Variants in FMN1 observed in about 807,000 individuals in gnomAD.
FMN1 encodes the protein formin-1.
Under a neutral mutation model 132.4 loss-of-function variants are expected in FMN1, and 110 were observed. That is an observed-to-expected ratio of 0.83 (90% CI 0.71 to 0.97). FMN1 has a LOEUF of 0.97. FMN1 is among the 50% of genes least tolerant of loss of function. FMN1 has a pLI of 0.00. For missense variants in FMN1, 1,792 were observed against 1,705.3 expected (o/e 1.05, Z -0.90); for synonymous variants, 722 against 651.7 (o/e 1.11, Z -1.64).
At chr15:32,857,668 T>A (rs1596100054) in intron 16 of FMN1, among the ~76,000 whole-genome samples, 2 of 152,304 alleles carry the variant, frequency 1.3e-5, no homozygotes, top group African/African-American at 4.8e-5. Context: ...TACCCTTCCT[T>A]TTAATCCTCT....
chr15:32,855,176 A>AAAG (rs2059101205), intron 17 of FMN1, among the ~76,000 whole-genome samples: 1 of 149,712 alleles, frequency 6.7e-6, no homozygotes, highest in Non-Finnish European at 1.5e-5. Context: ...AAAAAAAAAA[A>AAAG]AAAAAAGAAA....
chr15:33,158,435 A>T (rs577956076), intron 3 of FMN1, among the ~76,000 whole-genome samples: 3 of 142,314 alleles, frequency 2.1e-5, no homozygotes, highest in South Asian at 2.1e-4. Context: ...CTACTATTAT[A>T]AAAAAAAAGA....
At chr15:33,119,962 T>A (rs1962400337) in intron 4 of FMN1, among the ~76,000 whole-genome samples, 2 of 152,182 alleles carry the variant, frequency 1.3e-5, no homozygotes, top group African/African-American at 4.8e-5. Flanking sequence ...GCAAACATGA[T>A]CTTATTAAGC....
chr15:33,169,662 T>C (rs1488658228), intron 3 of FMN1, among the ~76,000 whole-genome samples: 2 of 150,656 alleles, frequency 1.3e-5, no homozygotes, highest in Non-Finnish European at 1.5e-5. Context: ...ATAATAAGTA[T>C]AGCAAATAGG....
At chr15:33,035,194 A>G (rs1471772680) in intron 6 of FMN1, among the ~76,000 whole-genome samples, 1 of 152,170 alleles carries the variant, frequency 6.6e-6, no homozygotes, top group Non-Finnish European at 1.5e-5. Flanking sequence ...AAAACCTAAC[A>G]TAATTTTGAA....
At position 32,776,969 on chromosome 15, in the gene FMN1, G is replaced by A. The variant is rs1193116463; in HGVS notation, c.4131-50C>T. On this transcript the variant is annotated intron_variant, in intron 19 of 20. Transcript: ENST00000616417. ...AGGGGAGAGAGGGAAAAGAAAGGAA[G>A]AGGGAAAAGGAAAGAAGAAAAGAGT... 3.6e-6 allele frequency: 4 copies of A among 1,124,558 alleles called. No individual in the cohort carries two copies. The African/African-American group carries it at 4.7e-5, about 13-fold the overall frequency. 69.7% of individuals were successfully genotyped at this position (1,124,558 alleles called of 1,614,324 possible).
At chr15:33,026,378 C>T (rs1031910874) in intron 6 of FMN1, among the ~76,000 whole-genome samples, 1 of 124,872 alleles carries the variant, frequency 8.0e-6, no homozygotes, top group African/African-American at 2.9e-5. Context: ...CAGGATCCTT[C>T]TTTATAAACA....
chr15:32,798,407 G>A (rs1358265172), intron 19 of FMN1, among the ~76,000 whole-genome samples: 1 of 152,148 alleles, frequency 6.6e-6, no homozygotes, highest in African/African-American at 2.4e-5. Context: ...ATTTTCCTTT[G>A]ATGCAAGTTC....
intron 6 of FMN1, among the ~76,000 whole-genome samples, chr15:33,008,413 A>G (rs1353201204): frequency 6.6e-6 from 1 of 152,176 alleles, no homozygotes; most frequent in African/African-American, 2.4e-5. Context: ...CAGAGGACAA[A>G]TACAGACATC....
intron 10 of FMN1, 112 bp from the exon 11 acceptor site, chr15:32,910,647 C>T (rs2060538384): frequency 3.7e-6 from 3 of 805,930 alleles, no homozygotes; most frequent in East Asian, 2.7e-5. Flanking sequence ...CGTTTTCTTA[C>T]ACAAGCTGTG....
chr15:33,032,469 G>T (rs938041079), intron 6 of FMN1, among the ~76,000 whole-genome samples: 32 of 152,094 alleles, frequency 2.1e-4, no homozygotes, highest in African/African-American at 2.9e-4. Context: ...TCTTCTGTTT[G>T]TGTGTATGCC....
chr15:32,890,094 C>A (rs1262910371), intron 15 of FMN1, among the ~76,000 whole-genome samples: 4 of 152,172 alleles, frequency 2.6e-5, no homozygotes, highest in African/African-American at 9.7e-5. Context: ...GCCGAAAATG[C>A]TGTTAATTCA....
Position 32,860,108 on chromosome 15 carries a change from G to A in FMN1, c.3836-3001C>T, listed in dbSNP as rs558540555. ...AAGGCAAGGCAAGGCAGGAGGGAGG[G>A]AGGAAAGAAGGAAGAGAGAGACAAA... is the stretch of plus-strand genomic sequence containing the variant. On this transcript the variant is annotated intron_variant, in intron 16 of 20. Coordinates refer to ENST00000616417, the MANE Select transcript of FMN1 (RefSeq NM_001277313.2). 1.3e-4 allele frequency among the ~76,000 whole-genome samples: 20 copies of A among 150,340 alleles called. No individual in the cohort carries two copies. In the South Asian group the frequency reaches 2.8e-3, roughly 21 times the overall value.
chr15:32,940,277 C>T (rs1463577262), intron 9 of FMN1, among the ~76,000 whole-genome samples: 1 of 152,146 alleles, frequency 6.6e-6, no homozygotes, highest in East Asian at 1.9e-4. Flanking sequence ...CTTCAGCCTT[C>T]TATTTCTAGG....
intron 17 of FMN1, among the ~76,000 whole-genome samples, chr15:32,848,980 T>TTG (rs1165441040): frequency 1.9e-4 from 21 of 112,014 alleles, no homozygotes; most frequent in African/African-American, 4.4e-4. Context: ...CTCTTTTGTT[T>TTG]TTTTTTTTTT....
At chr15:32,925,460 T>G (rs548544367) in intron 10 of FMN1, among the ~76,000 whole-genome samples, 2 of 152,274 alleles carry the variant, frequency 1.3e-5, no homozygotes, top group Admixed American at 6.5e-5. Context: ...CATAGCAGCA[T>G]CATCAGCAAA....
At chr15:32,843,729 T>C (rs2058796507) in intron 17 of FMN1, among the ~76,000 whole-genome samples, 1 of 152,140 alleles carries the variant, frequency 6.6e-6, no homozygotes, top group Non-Finnish European at 1.5e-5. Flanking sequence ...AACAAGTTGG[T>C]GGATGCTAAG....
rs43768 is a variant in FMN1, at chr15:32,926,012, A to G, written c.3226+162T>C. ...ATAACCTACTTGGTGAGAGGGGGGC[A>G]TTTTCAGATAAAACAAGAGTGAGTT... On this transcript the variant is annotated intron_variant, in intron 10 of 20. Transcript: ENST00000616417. Among the ~76,000 whole-genome samples, 75,525 of 152,024 alleles carry G rather than the reference A, an allele frequency of 0.5. 21,245 individuals carry two copies. Among genetic ancestry groups the G allele is most frequent in the African/African-American group, 0.78 (32,237 of 41,446 alleles).
intron 6 of FMN1, among the ~76,000 whole-genome samples, chr15:33,037,227 A>C (rs1330450055): frequency 6.6e-6 from 1 of 152,214 alleles, no homozygotes; most frequent in Non-Finnish European, 1.5e-5. Flanking sequence ...AACACACTGG[A>C]CGGTTTTCCA....
Sources: gnomAD v4.1 joint callset for allele counts (sites outside exome capture counted in the v4.1 genomes callset) on GRCh38, gnomAD v4.1.1 for gene constraint, MANE v1.5 for transcripts, NCBI Gene and HGNC (gene_info 2026-07-23, HGNC 2026-07-21) for gene names.